PDE10A: variants seen among roughly 807,000 people sequenced by gnomAD.
The protein encoded by PDE10A is phosphodiesterase 10A.
In PDE10A, 39 loss-of-function variants were observed where a neutral mutation model predicts 97.7. That is an observed-to-expected ratio of 0.40 (90% confidence interval 0.31 to 0.52). The LOEUF (loss-of-function observed/expected upper bound fraction) is 0.52, where lower values mean the gene tolerates loss of function less well. Ranked by LOEUF, PDE10A falls within the 20% of genes least tolerant of loss-of-function variation. The pLI, the probability that PDE10A is intolerant of heterozygous loss-of-function variation, is 0.56. For missense variants in PDE10A, 731 were observed against 1,047.8 expected, an observed-to-expected ratio of 0.70 and a Z score of 4.17; for synonymous variants, 371 against 376.8, an observed-to-expected ratio of 0.98 and a Z score of 0.18.
intron 2 of PDE10A, among the ~76,000 whole-genome samples, chr6:165,492,063 C>T (rs967693393): frequency 1.3e-5 from 2 of 152,078 alleles, no homozygotes; most frequent in African/African-American, 4.8e-5. Flanking sequence ...AAGGATGATT[C>T]AAGGCTACTA....
intron 1 of PDE10A, among the ~76,000 whole-genome samples, chr6:165,587,372 C>T (rs945120260): frequency 3.3e-5 from 5 of 152,148 alleles, no homozygotes; most frequent in African/African-American, 1.2e-4. Context: ...AAATTTAATA[C>T]GTGTCTCATG....
chr6:165,884,231 A>C (rs1781569436), intron 1 of PDE10A, among the ~76,000 whole-genome samples: 1 of 152,252 alleles, frequency 6.6e-6, no homozygotes. Flanking sequence ...CTGCAAAGGC[A>C]AGGGTGGGGG....
chr6:165,685,105 T>G (rs1359300901), intron 1 of PDE10A, among the ~76,000 whole-genome samples: 1 of 152,214 alleles, frequency 6.6e-6, no homozygotes, highest in Non-Finnish European at 1.5e-5. Context: ...CTCTTTAGAA[T>G]CCTTAGATAC....
intron 1 of PDE10A, among the ~76,000 whole-genome samples, chr6:165,967,884 C>T (rs1006574423): frequency 2.0e-5 from 3 of 152,200 alleles, no homozygotes; most frequent in African/African-American, 7.2e-5. Flanking sequence ...TCTGCCTCCT[C>T]TTGGGTTTCA....
intron 1 of PDE10A, among the ~76,000 whole-genome samples, chr6:165,969,326 G>C (rs1488312403): frequency 2.0e-5 from 3 of 152,150 alleles, no homozygotes; most frequent in Non-Finnish European, 4.4e-5. Context: ...GGTGGCTCAG[G>C]TGTCACAGCC....
intron 1 of PDE10A, among the ~76,000 whole-genome samples, chr6:165,783,572 T>C (rs769010168): frequency 7.7e-6 from 1 of 129,560 alleles, no homozygotes; most frequent in Non-Finnish European, 1.6e-5. Flanking sequence ...AGAGGATGTT[T>C]TCTTATGAAA....
chr6:165,745,891 G>T (rs772601945), intron 1 of PDE10A, among the ~76,000 whole-genome samples: 4 of 152,252 alleles, frequency 2.6e-5, no homozygotes, highest in Non-Finnish European at 5.9e-5. Context: ...GTGGTAAGAT[G>T]AGGCAGGAAT....
chr6:165,901,340 GT>G (rs2128484263), intron 1 of PDE10A, among the ~76,000 whole-genome samples: 1 of 152,276 alleles, frequency 6.6e-6, no homozygotes, highest in African/African-American at 2.4e-5. Context: ...ACTTTCTAGA[GT>G]TATTCACCTA....
chr6:165,669,985 T>C (rs941387905), intron 1 of PDE10A, among the ~76,000 whole-genome samples: 3 of 152,170 alleles, frequency 2.0e-5, no homozygotes, highest in Admixed American at 6.5e-5. Context: ...AAGGACCCAA[T>C]TGGCCCCAGC....
At chr6:165,563,080 A>C (rs1784598559) in intron 1 of PDE10A, among the ~76,000 whole-genome samples, 1 of 151,980 alleles carries the variant, frequency 6.6e-6, no homozygotes, top group Admixed American at 6.6e-5. Flanking sequence ...ACTGCATAAA[A>C]TACTGCAATC....
chr6:165,525,013 T>C (rs1782346042), intron 2 of PDE10A, among the ~76,000 whole-genome samples: 1 of 152,168 alleles, frequency 6.6e-6, no homozygotes, highest in African/African-American at 2.4e-5. Context: ...CCTGCACTGC[T>C]TGAGGCAACA....
intron 19 of PDE10A, among the ~76,000 whole-genome samples, chr6:165,341,933 T>C (rs1401216995): frequency 1.3e-5 from 2 of 152,200 alleles, no homozygotes; most frequent in African/African-American, 4.8e-5. Flanking sequence ...CTTGTAACAC[T>C]TGAGCTCACC....
At chr6:165,363,346 C>A (rs990062385) in intron 18 of PDE10A, among the ~76,000 whole-genome samples, 3 of 151,340 alleles carry the variant, frequency 2.0e-5, no homozygotes, top group African/African-American at 7.3e-5. Context: ...GAAACCCCGT[C>A]TCTACTAAAA....
intron 1 of PDE10A, among the ~76,000 whole-genome samples, chr6:165,961,804 T>C (rs1336580849): frequency 6.6e-6 from 1 of 152,232 alleles, no homozygotes; most frequent in Non-Finnish European, 1.5e-5. Context: ...AGCCCCTTAA[T>C]GATTTCTCCT....
intron 3 of PDE10A, among the ~76,000 whole-genome samples, chr6:165,457,643 C>G (rs915758638): frequency 6.6e-6 from 1 of 152,094 alleles, no homozygotes; most frequent in Non-Finnish European, 1.5e-5. Context: ...TTAATATATC[C>G]TGAGTTACTC....
intron 1 of PDE10A, among the ~76,000 whole-genome samples, chr6:165,651,677 T>C (rs1789693368): frequency 6.6e-6 from 1 of 152,292 alleles, no homozygotes; most frequent in Non-Finnish European, 1.5e-5. Flanking sequence ...GGTTTTTGAG[T>C]CCCATTTAAA....
intron 18 of PDE10A, among the ~76,000 whole-genome samples, chr6:165,375,415 C>T (rs1030515679): frequency 4.6e-5 from 7 of 152,166 alleles, no homozygotes; most frequent in Non-Finnish European, 1.0e-4. Context: ...CAGAGCAAGG[C>T]CTTAACTGTC....
At chr6:165,815,182 T>C (rs777473752) in intron 1 of PDE10A, among the ~76,000 whole-genome samples, 2 of 152,196 alleles carry the variant, frequency 1.3e-5, no homozygotes, top group African/African-American at 4.8e-5. Context: ...ACACTGAATG[T>C]GCTCAATTTA....
intron 1 of PDE10A, chr6:165,949,509 C>A (rs1026058716): frequency 2.0e-5 from 3 of 152,010 alleles, no homozygotes; most frequent in Non-Finnish European, 4.4e-5. Context: ...GTGACCACTG[C>A]AGACCTTATG....
Sources: gnomAD v4.1 joint callset for allele counts (sites outside exome capture counted in the v4.1 genomes callset) on GRCh38, gnomAD v4.1.1 for gene constraint, MANE v1.5 for transcripts, NCBI Gene and HGNC (gene_info 2026-07-23, HGNC 2026-07-21) for gene names.